KLF8: variants seen among roughly 807,000 people sequenced by gnomAD.
KLF8 encodes the protein Krueppel-like factor 8.
KLF8 carries 10 observed loss-of-function variants against 18.2 expected under a neutral mutation model. That is an observed-to-expected ratio of 0.55 (90% confidence interval 0.34 to 0.93). The LOEUF is 0.93. KLF8 is among the 40% of genes least tolerant of loss of function. KLF8 has a pLI of 0.02. For missense variants in KLF8, 264 were observed against 277.9 expected, an observed-to-expected ratio of 0.95 and a Z score of 0.36; for synonymous variants, 109 against 97.3, an observed-to-expected ratio of 1.12 and a Z score of -0.71.
intron 1 of KLF8, among the ~76,000 whole-genome samples, chrX:56,241,506 A>G (rs951720063): frequency 2.7e-5 from 3 of 112,244 alleles, no homozygotes; most frequent in Non-Finnish European, 5.6e-5. Flanking sequence ...AATGAGACTC[A>G]AGTTTACCTG....
At chrX:56,282,423 T>C (rs1285036829) in intron 5 of KLF8, among the ~76,000 whole-genome samples, 1 of 112,624 alleles carries the variant, frequency 8.9e-6, no homozygotes, top group East Asian at 2.8e-4. Context: ...TTTCTGAATA[T>C]TGAAATGATC....
intron 5 of KLF8, among the ~76,000 whole-genome samples, chrX:56,280,616 A>T (rs1011261675): frequency 8.9e-6 from 1 of 111,991 alleles, no homozygotes; most frequent in Non-Finnish European, 1.9e-5. Flanking sequence ...AATGGCTAAG[A>T]CTATGTATTG....
At chrX:56,264,763 G>A (rs765109089) in intron 2 of KLF8, among the ~76,000 whole-genome samples, 4 of 110,678 alleles carry the variant, frequency 3.6e-5, no homozygotes, top group African/African-American at 9.8e-5. Flanking sequence ...TTTCTAAAAC[G>A]CCTTGCTTGT....
the KLF8 span, among the ~76,000 whole-genome samples, chrX:56,180,088 C>T: frequency 9.0e-6 from 1 of 111,544 alleles, no homozygotes; most frequent in Admixed American, 9.6e-5. Flanking sequence ...CCTTGTACAT[C>T]TCGTAGAATT....
the KLF8 span, among the ~76,000 whole-genome samples, chrX:56,058,279 C>CAT: frequency 0.018 from 133 of 7,238 alleles, 4 homozygotes; most frequent in African/African-American, 0.02. Flanking sequence ...CATATATATA[C>CAT]ATATATATAT....
the KLF8 span, among the ~76,000 whole-genome samples, chrX:56,128,848 G>T: frequency 1.8e-5 from 2 of 112,473 alleles, no homozygotes; most frequent in South Asian, 7.4e-4. Flanking sequence ...GTGTGCAAAT[G>T]TAGCTGATGA....
the KLF8 span, among the ~76,000 whole-genome samples, chrX:55,924,203 A>G: frequency 8.2e-4 from 91 of 110,688 alleles, no homozygotes; most frequent in Non-Finnish European, 1.5e-3. Flanking sequence ...CCGAGTAGCT[A>G]AGACTACAGG....
At chrX:56,106,606 G>C in the KLF8 span, among the ~76,000 whole-genome samples, 5 of 111,760 alleles carry the variant, frequency 4.5e-5, no homozygotes, top group African/African-American at 1.6e-4. Flanking sequence ...CTAGTTAGCC[G>C]TTTGTCTAAC....
chrX:56,282,719 G>T lies in KLF8; in HGVS notation c.899-1594G>T, dbSNP rs759430015. On this transcript the variant is annotated intron_variant, in intron 5 of 5. Coordinates refer to ENST00000468660, the MANE Select transcript of KLF8 (RefSeq NM_007250.5). ...ACTGTTAGAATACCAATGCATTTTT[G>T]TGTCTGCATTATTGTTTGTTTCTGA... 2.1e-4 allele frequency among the ~76,000 whole-genome samples: 24 copies of T among 111,880 alleles called. No homozygotes were observed. In the East Asian group the frequency reaches 6.7e-3, roughly 31 times the overall value.
the KLF8 span, among the ~76,000 whole-genome samples, chrX:56,119,973 C>T: frequency 6.6e-5 from 7 of 106,450 alleles, no homozygotes; most frequent in Non-Finnish European, 1.1e-4. Flanking sequence ...TTTACACTAG[C>T]GGAGGGTGTT....
At chrX:56,094,294 A>G in the KLF8 span, among the ~76,000 whole-genome samples, 1 of 111,472 alleles carries the variant, frequency 9.0e-6, no homozygotes, top group Non-Finnish European at 1.9e-5. Context: ...AACTCCAACC[A>G]AAGAAAGTTT....
At chrX:55,971,410 A>G in the KLF8 span, among the ~76,000 whole-genome samples, 2 of 111,331 alleles carry the variant, frequency 1.8e-5, no homozygotes, top group South Asian at 3.8e-4. Flanking sequence ...CAAAAATCAA[A>G]TCAAAATTGA....
At chrX:55,939,997 A>G in the KLF8 span, among the ~76,000 whole-genome samples, 1 of 112,221 alleles carries the variant, frequency 8.9e-6, no homozygotes, top group African/African-American at 3.2e-5. Context: ...ATCAATAGAA[A>G]AAGAGGGAAT....
the KLF8 span, among the ~76,000 whole-genome samples, chrX:56,041,437 T>C: frequency 9.2e-6 from 1 of 108,323 alleles, no homozygotes; most frequent in Non-Finnish European, 1.9e-5. Context: ...TTTTATTGTG[T>C]CTATTCTCTC....
At chrX:56,275,453 T>TA (rs2067108508) in intron 5 of KLF8, among the ~76,000 whole-genome samples, 1 of 111,693 alleles carries the variant, frequency 9.0e-6, no homozygotes, top group Non-Finnish European at 1.9e-5. Context: ...CAAACAAGGA[T>TA]AATTTGTCTT....
the KLF8 span, among the ~76,000 whole-genome samples, chrX:55,928,914 A>AT: frequency 8.9e-6 from 1 of 111,882 alleles, no homozygotes. Context: ...GTCTAATGGT[A>AT]TTTCTGGTTC....
chrX:56,071,253 T>A, the KLF8 span, among the ~76,000 whole-genome samples: 2 of 111,393 alleles, frequency 1.8e-5, no homozygotes, highest in Admixed American at 9.5e-5. Context: ...TTTGAAGTAT[T>A]AAAAGACAAA....
the KLF8 span, among the ~76,000 whole-genome samples, chrX:56,012,853 A>G: frequency 8.9e-6 from 1 of 112,149 alleles, no homozygotes; most frequent in Admixed American, 9.5e-5. Context: ...AATTAGAAAA[A>G]AAAACTATTC....
chrX:56,006,038 C>T, the KLF8 span, among the ~76,000 whole-genome samples: 7 of 112,668 alleles, frequency 6.2e-5, no homozygotes, highest in African/African-American at 2.3e-4. Context: ...CCATCTTACA[C>T]ACAAGGCTGT....
Sources: gnomAD v4.1 joint callset for allele counts (sites outside exome capture counted in the v4.1 genomes callset) on GRCh38, gnomAD v4.1.1 for gene constraint, MANE v1.5 for transcripts, NCBI Gene and HGNC (gene_info 2026-07-23, HGNC 2026-07-21) for gene names.